The following MED27 variants were observed in gnomAD, a reference collection of about 807,000 sequenced individuals.
MED27 encodes mediator complex subunit 27, also known as mediator of RNA polymerase II transcription subunit 27.
Under a neutral mutation model 38.2 loss-of-function variants are expected in MED27, and 30 were observed. That is an observed-to-expected ratio of 0.79 (90% confidence interval 0.59 to 1.07). The LOEUF (loss-of-function observed/expected upper bound fraction) is 1.07. MED27 is among the 50% of genes least tolerant of loss of function. The probability of loss-of-function intolerance (pLI) is 0.00; values close to 1 mark genes in which losing one functional copy is unlikely to be tolerated. For synonymous variants in MED27, 122 were observed against 153.5 expected, an observed-to-expected ratio of 0.79 and a Z score of 1.52; for missense variants, 289 against 397.5, an observed-to-expected ratio of 0.73 and a Z score of 2.32.
At chr9:132,072,673 G>A (rs1035866299) in intron 2 of MED27, among the ~76,000 whole-genome samples, 4 of 151,978 alleles carry the variant, frequency 2.6e-5, no homozygotes, top group South Asian at 4.1e-4. Flanking sequence ...GGGGTGCTAC[G>A]AAGGTTAGAT....
At chr9:131,972,516 C>T (rs1027507879) in intron 3 of MED27, among the ~76,000 whole-genome samples, 2 of 152,160 alleles carry the variant, frequency 1.3e-5, no homozygotes, top group African/African-American at 4.8e-5. Context: ...CCCTGCCACC[C>T]AGAATCTAGC....
At chr9:131,961,877 T>C (rs561049608) in intron 3 of MED27, among the ~76,000 whole-genome samples, 1 of 152,338 alleles carries the variant, frequency 6.6e-6, no homozygotes, top group African/African-American at 2.4e-5. Context: ...TGAAAGGCAC[T>C]TCAGTGAATC....
At position 131,968,978 on chromosome 9, in the gene MED27, G is replaced by A. The variant is rs536650804; in HGVS notation, c.480-29504C>T. 2.0e-5 allele frequency among the ~76,000 whole-genome samples: 3 copies of A among 152,290 alleles called. No homozygotes were observed. In the East Asian group the frequency reaches 5.8e-4, roughly 29 times the overall value. On this transcript the variant is annotated intron_variant, in intron 3 of 7. Transcript: ENST00000292035. Reference sequence around the variant, plus strand: ...TCCTTATGAGAATCAAATGCCTGATGATCTGTCACTGCCTCTCATCAGCCC... The same window carrying A: ...TCCTTATGAGAATCAAATGCCTGATAATCTGTCACTGCCTCTCATCAGCCC...
rs1831758805 is a variant in MED27, at chr9:131,982,533, T to A, written c.479+31804A>T. Reference sequence around the variant, plus strand: ...TGCTATGAGGCAGACGATAAATGATTCAACATGTATGGCCTCATTTATTCT... The same window carrying A: ...TGCTATGAGGCAGACGATAAATGATACAACATGTATGGCCTCATTTATTCT... On this transcript the variant is annotated intron_variant, in intron 3 of 7. Coordinates refer to ENST00000292035, the MANE Select transcript of MED27 (RefSeq NM_004269.4). This position sits in a 1 kb window ranked among gnomAD's most constrained non-coding sequence, Gnocchi z 4.3. 6.6e-6 allele frequency among the ~76,000 whole-genome samples: 1 copy of A among 152,256 alleles called. No homozygotes were observed. The highest frequency in any genetic ancestry group is 1.5e-5 in the Non-Finnish European group (1 of 68,050).
At chr9:131,996,346 A>G (rs541336677) in intron 3 of MED27, among the ~76,000 whole-genome samples, 7 of 152,330 alleles carry the variant, frequency 4.6e-5, no homozygotes, top group African/African-American at 1.7e-4. Context: ...CCAGGGATGA[A>G]GTGCTGGGTC....
chr9:131,888,382 AC>A (rs1472647282), intron 5 of MED27, among the ~76,000 whole-genome samples: 1 of 152,114 alleles, frequency 6.6e-6, no homozygotes, highest in African/African-American at 2.4e-5. Flanking sequence ...CCCAGCTCTT[AC>A]CCTGGGAGGA....
chr9:131,991,029 A>G (rs1323996821), intron 3 of MED27, among the ~76,000 whole-genome samples: 1 of 152,204 alleles, frequency 6.6e-6, no homozygotes, highest in African/African-American at 2.4e-5. Flanking sequence ...AGTGGAGCAT[A>G]GCAAGTCCTG....
At chr9:131,864,504 C>T (rs1480786216) in intron 6 of MED27, among the ~76,000 whole-genome samples, 1 of 152,134 alleles carries the variant, frequency 6.6e-6, no homozygotes, top group Non-Finnish European at 1.5e-5. Flanking sequence ...AAAAACCACA[C>T]CTAAAATAAA....
At chr9:131,988,609 A>C (rs902992055) in intron 3 of MED27, among the ~76,000 whole-genome samples, 34 of 152,222 alleles carry the variant, frequency 2.2e-4, no homozygotes, top group African/African-American at 7.0e-4. Flanking sequence ...TACATATAAC[A>C]TACAAAATAT....
Position 131,882,231 on chromosome 9 carries a change from G to A in MED27, c.723+1827C>T, listed in dbSNP as rs536250773. ...TCTGCCTAGCCCTTATCACCAAAAA[G>A]GGGCCCAGGGGGCACTGTGGATTAT... is the stretch of plus-strand genomic sequence containing the variant. On this transcript the variant is annotated intron_variant, in intron 6 of 7. Transcript: ENST00000292035. Among the ~76,000 whole-genome samples the A allele has an allele frequency of 2.0e-5, 3 of 152,228 alleles. No individual in the cohort carries two copies. The East Asian group carries it at 5.8e-4, about 29-fold the overall frequency.
intron 2 of MED27, among the ~76,000 whole-genome samples, chr9:132,025,577 T>C (rs1034560283): frequency 1.3e-5 from 2 of 152,256 alleles, no homozygotes; most frequent in African/African-American, 4.8e-5. Context: ...GTCAACCATC[T>C]GGATATACAA....
intron 6 of MED27, among the ~76,000 whole-genome samples, chr9:131,870,794 T>C (rs1184968127): frequency 6.6e-6 from 1 of 152,212 alleles, no homozygotes; most frequent in African/African-American, 2.4e-5. Flanking sequence ...ACTTATACAA[T>C]GTTCCTTCCA....
intron 3 of MED27, among the ~76,000 whole-genome samples, chr9:131,966,799 T>C (rs942910465): frequency 3.3e-5 from 5 of 152,184 alleles, no homozygotes; most frequent in African/African-American, 1.2e-4. Context: ...TGTGCTTCAG[T>C]TTCCTCCTTT....
chr9:131,959,268 C>T (rs1354320251), intron 3 of MED27, among the ~76,000 whole-genome samples: 2 of 130,598 alleles, frequency 1.5e-5, no homozygotes, highest in East Asian at 2.3e-4. Flanking sequence ...AGACTAAATG[C>T]GTAAGGCATG....
intron 4 of MED27, among the ~76,000 whole-genome samples, chr9:131,911,986 C>T (rs1830197942): frequency 6.6e-6 from 1 of 152,222 alleles, no homozygotes; most frequent in Non-Finnish European, 1.5e-5. Flanking sequence ...AGTGGTACCT[C>T]TGCCTTAGAA....
intron 2 of MED27, among the ~76,000 whole-genome samples, chr9:132,056,926 G>C (rs1833591556): frequency 6.6e-6 from 1 of 152,210 alleles, no homozygotes; most frequent in African/African-American, 2.4e-5. Context: ...AGGCCATGAG[G>C]CCATCGTGCC....
At chr9:131,864,898 C>G (rs922325180) in intron 6 of MED27, among the ~76,000 whole-genome samples, 2 of 152,258 alleles carry the variant, frequency 1.3e-5, no homozygotes, top group Non-Finnish European at 2.9e-5. Flanking sequence ...AGCACTCACT[C>G]TCTGGCAATG....
At chr9:131,958,272 TCTTG>T (rs1453556530) in intron 3 of MED27, among the ~76,000 whole-genome samples, 4 of 148,368 alleles carry the variant, frequency 2.7e-5, no homozygotes, top group African/African-American at 1.0e-4. Flanking sequence ...TGAGATGGAG[TCTTG>T]CTCTGTTGCC....
intron 3 of MED27, among the ~76,000 whole-genome samples, chr9:131,974,623 G>C (rs921340749): frequency 2.6e-5 from 4 of 152,356 alleles, no homozygotes; most frequent in African/African-American, 9.6e-5. Flanking sequence ...GTCAGACAGA[G>C]CTGGGGACAG....
Sources: gnomAD v4.1 joint callset for allele counts (sites outside exome capture counted in the v4.1 genomes callset) on GRCh38, gnomAD v4.1.1 for gene constraint, Gnocchi (gnomAD v3.1) non-coding constraint, MANE v1.5 for transcripts, NCBI Gene and HGNC (gene_info 2026-07-23, HGNC 2026-07-21) for gene names.